Variants in PAM observed in about 807,000 individuals in gnomAD.
PAM encodes the protein peptidyl-glycine alpha-amidating monooxygenase.
PAM carries 72 observed loss-of-function variants against 122.1 expected under a neutral mutation model. The ratio of observed to expected loss-of-function variants is 0.59; its 90% CI spans 0.49 to 0.72. PAM has a LOEUF of 0.72. Among genes scored for constraint, PAM ranks in the 30% least tolerant of loss-of-function variants. The pLI is 0.00. For missense variants in PAM, 1,106 were observed against 1,183.7 expected (o/e 0.93, Z 0.96); for synonymous variants, 389 against 404.4 (o/e 0.96, Z 0.46).
intron 1 of PAM, among the ~76,000 whole-genome samples, chr5:102,830,070 C>T (rs990911407): frequency 1.3e-5 from 2 of 152,096 alleles, no homozygotes; most frequent in Admixed American, 1.3e-4. Flanking sequence ...AATATTTCTG[C>T]CTGTACTGGG....
At chr5:102,956,487 G>A (rs137928547) in intron 12 of PAM, among the ~76,000 whole-genome samples, 3 of 152,028 alleles carry the variant, frequency 2.0e-5, no homozygotes, top group Admixed American at 6.6e-5. Context: ...AAGTTGTAGA[G>A]GACAAAGAGT....
intron 1 of PAM, among the ~76,000 whole-genome samples, chr5:102,789,937 A>C (rs1022003046): frequency 2.0e-5 from 3 of 152,128 alleles, no homozygotes; most frequent in African/African-American, 7.2e-5. Flanking sequence ...ATAAATATTC[A>C]GTAGTTATCA....
rs552539185 is a variant in PAM at position 102,871,302 on chromosome 5, C to T, written c.210+3909C>T. 2.0e-5 allele frequency among the ~76,000 whole-genome samples: 3 copies of T among 152,246 alleles called. No homozygotes were observed. The East Asian group carries it at 5.8e-4, about 29-fold the overall frequency. ...ATGATAAGAACTCAGAAAATGTATA[C>T]TAATATTATTATTACTTGTGTTCAG... On this transcript the variant is annotated intron_variant, in intron 3 of 25. Transcript: ENST00000438793.
intron 7 of PAM, among the ~76,000 whole-genome samples, chr5:102,940,604 GAAAT>G (rs1352720666): frequency 6.6e-6 from 1 of 151,056 alleles, no homozygotes; most frequent in Non-Finnish European, 1.5e-5. Flanking sequence ...GAAGAAAGAG[GAAAT>G]AAAAAAAGTA....
intron 1 of PAM, among the ~76,000 whole-genome samples, chr5:102,856,562 G>A (rs558675721): frequency 6.6e-6 from 1 of 152,086 alleles, no homozygotes; most frequent in Non-Finnish European, 1.5e-5. Flanking sequence ...AGCAACATTT[G>A]TATTAGTCAA....
intron 3 of PAM, among the ~76,000 whole-genome samples, chr5:102,874,852 A>C (rs1415882431): frequency 2.0e-5 from 3 of 152,152 alleles, no homozygotes; most frequent in African/African-American, 7.2e-5. Context: ...TTCCCATAAA[A>C]AGTCTGTGTT....
chr5:102,975,883 C>T (rs1301937196), intron 15 of PAM, among the ~76,000 whole-genome samples: 2 of 152,156 alleles, frequency 1.3e-5, no homozygotes, highest in Admixed American at 1.3e-4. Context: ...GAAATGATAT[C>T]ATGGTCATTT....
chr5:102,877,389 A>G (rs1581223571), intron 3 of PAM, among the ~76,000 whole-genome samples: 1 of 152,236 alleles, frequency 6.6e-6, no homozygotes, highest in African/African-American at 2.4e-5. Flanking sequence ...TAATTGCAAC[A>G]ATATTTTAGT....
chr5:102,990,224 C>G, intron 15 of PAM, 48 bp from the exon 16 acceptor site: 1 of 1,406,906 alleles, frequency 7.1e-7, no homozygotes, highest in Non-Finnish European at 9.5e-7. Flanking sequence ...CCTCATGAGG[C>G]AATTCGACCT....
At chr5:102,909,955 T>C (rs1800878494) in intron 4 of PAM, among the ~76,000 whole-genome samples, 1 of 151,866 alleles carries the variant, frequency 6.6e-6, no homozygotes, top group Non-Finnish European at 1.5e-5. Flanking sequence ...CTACAGAATA[T>C]TTTTTGGCTA....
At chr5:102,878,411 C>T (rs1024936215) in intron 3 of PAM, among the ~76,000 whole-genome samples, 2 of 152,040 alleles carry the variant, frequency 1.3e-5, no homozygotes, top group African/African-American at 2.4e-5. Context: ...GTACATAATA[C>T]TTGATAATGA....
chr5:103,028,825 T>C, intron 25 of PAM, 62 bp from the exon 26 acceptor site: 1 of 1,019,082 alleles, frequency 9.8e-7, no homozygotes, highest in Non-Finnish European at 1.4e-6. Context: ...TTTAAGAATT[T>C]ACAAGGTAAC....
At chr5:103,004,984 C>T (rs977765615) in intron 17 of PAM, among the ~76,000 whole-genome samples, 170 bp from the exon 18 acceptor site, 2 of 152,128 alleles carry the variant, frequency 1.3e-5, no homozygotes, top group African/African-American at 4.8e-5. Context: ...AAGGAGATCT[C>T]ATTATAACAG....
At chr5:102,760,000 A>G (rs143660175) in intron 1 of PAM, among the ~76,000 whole-genome samples, 1 of 152,256 alleles carries the variant, frequency 6.6e-6, no homozygotes, top group African/African-American at 2.4e-5. Context: ...GATTTCAGAG[A>G]TATGTATGAT....
intron 1 of PAM, among the ~76,000 whole-genome samples, chr5:102,789,404 T>C (rs1411001271): frequency 2.0e-5 from 3 of 152,126 alleles, no homozygotes; most frequent in African/African-American, 7.2e-5. Flanking sequence ...TGTCAGCAGA[T>C]GAATGGATAA....
chr5:103,028,961 C>T lies in PAM; in HGVS notation c.2818C>T (p.Arg940Trp), dbSNP rs777006635. Reference sequence around the variant, plus strand: ...GGGCTACAGTCGAAAAGGGTTTGACCGGCTTAGCACTGAGGGCAGTGACCA... The same window carrying T: ...GGGCTACAGTCGAAAAGGGTTTGACTGGCTTAGCACTGAGGGCAGTGACCA... The part of the protein sequence containing the change: ...RKGYSRKGFD[R>W]LSTEGSDQEK... Residue 940 changes from arginine (R) to tryptophan (W), a missense_variant, in exon 26 of 26, where the codon CGG becomes TGG. Coordinates refer to ENST00000438793, the MANE Select transcript of PAM (RefSeq NM_001177306.2). 41 of 1,613,292 alleles carry T rather than the reference C, an allele frequency of 2.5e-5. No individual in the cohort carries two copies. In the Middle Eastern group the frequency reaches 1.6e-3, roughly 65 times the overall value.
At chr5:102,867,763 A>G (rs982188198) in intron 3 of PAM, among the ~76,000 whole-genome samples, 19 of 152,342 alleles carry the variant, frequency 1.2e-4, no homozygotes, top group Admixed American at 7.8e-4. Flanking sequence ...CATTTAAGCT[A>G]GTTTGTTTAA....
rs184548046 is a variant in PAM at position 102,987,656 on chromosome 5, T to G, written c.1484-2616T>G. 8.6e-5 allele frequency: 32 copies of G among 373,580 alleles called. No individual in the cohort carries two copies. The East Asian group carries it at 1.1e-3, about 13-fold the overall frequency. 23.1% of individuals were successfully genotyped at this position (373,580 alleles called of 1,614,324 possible). A position where few individuals can be genotyped will look rare whatever the true frequency, so the allele number is the denominator to read the frequency against. On this transcript the variant is annotated intron_variant, in intron 15 of 25. Coordinates refer to ENST00000438793, the MANE Select transcript of PAM (RefSeq NM_001177306.2). ...CCTATAAATATGTACAATTATTTCG[T>G]ACCAATAAAACATGTTTCTAAACCT...
At position 102,861,885 on chromosome 5, in the gene PAM, G is replaced by A. The variant is rs919349529; in HGVS notation, c.-373-3938G>A. On this transcript the variant is annotated intron_variant, in intron 1 of 25. Transcript: ENST00000438793. ...AAAATATGTTATAAAATATGCCTTT[G>A]GAGGCCAGGCATGATGGCTCATGCC... Among the ~76,000 whole-genome samples, 10 of 152,184 alleles carry A rather than the reference G, an allele frequency of 6.6e-5. No homozygotes were observed. In the East Asian group the frequency reaches 1.7e-3, roughly 26 times the overall value.
Sources: gnomAD v4.1 joint callset for allele counts (sites outside exome capture counted in the v4.1 genomes callset) on GRCh38, gnomAD v4.1.1 for gene constraint, MANE v1.5 for transcripts, NCBI Gene and HGNC (gene_info 2026-07-23, HGNC 2026-07-21) for gene names.